The following PDGFD variants were observed in gnomAD, a reference collection of about 807,000 sequenced individuals.
PDGFD encodes platelet derived growth factor D.
Under a neutral mutation model 44.7 loss-of-function variants are expected in PDGFD, and 30 were observed. The ratio of observed to expected loss-of-function variants is 0.67; its 90% CI spans 0.50 to 0.91. The LOEUF (loss-of-function observed/expected upper bound fraction) is 0.91. Among genes scored for constraint, PDGFD ranks in the 40% least tolerant of loss-of-function variants. The pLI is 0.00. For synonymous variants in PDGFD, 173 were observed against 168.4 expected (o/e 1.03, Z -0.21); for missense variants, 445 against 457.8 (o/e 0.97, Z 0.25).
chr11:103,948,809 GT>G (rs1193466565), intron 3 of PDGFD, among the ~76,000 whole-genome samples: 2 of 151,972 alleles, frequency 1.3e-5, no homozygotes, highest in Non-Finnish European at 2.9e-5. Context: ...AATTTCCTGT[GT>G]TTAATAAAAT....
chr11:103,927,737 G>A (rs1858341329), intron 5 of PDGFD, among the ~76,000 whole-genome samples: 1 of 152,202 alleles, frequency 6.6e-6, no homozygotes. Flanking sequence ...TGGCAGTATA[G>A]CATAGTGGTT....
At chr11:104,080,436 T>C (rs917433276) in intron 1 of PDGFD, among the ~76,000 whole-genome samples, 2 of 152,212 alleles carry the variant, frequency 1.3e-5, no homozygotes, top group African/African-American at 4.8e-5. Flanking sequence ...AAATAGATTA[T>C]GGTTTCATTT....
intron 6 of PDGFD, 30 bp downstream of exon 6, chr11:103,926,882 A>C: frequency 6.3e-7 from 1 of 1,590,656 alleles, no homozygotes; most frequent in Non-Finnish European, 8.6e-7. Flanking sequence ...TAGATTAAGC[A>C]TTGCAACAAG....
chr11:104,064,579 T>A (rs953919525), intron 1 of PDGFD, among the ~76,000 whole-genome samples: 1 of 152,140 alleles, frequency 6.6e-6, no homozygotes, highest in African/African-American at 2.4e-5. Flanking sequence ...GTGATGAATT[T>A]AGAATATTGT....
At chr11:104,155,642 A>G (rs1250975704) in intron 1 of PDGFD, among the ~76,000 whole-genome samples, 1 of 152,192 alleles carries the variant, frequency 6.6e-6, no homozygotes, top group East Asian at 1.9e-4. Flanking sequence ...CTACCATACG[A>G]TCCTTATGAA....
At chr11:104,098,194 G>A (rs1175847021) in intron 1 of PDGFD, among the ~76,000 whole-genome samples, 3 of 152,136 alleles carry the variant, frequency 2.0e-5, no homozygotes, top group African/African-American at 7.2e-5. Context: ...TGCCTACTAT[G>A]TGTATGACTC....
intron 3 of PDGFD, among the ~76,000 whole-genome samples, chr11:103,993,929 A>G (rs1381622983): frequency 6.6e-6 from 1 of 151,638 alleles, no homozygotes; most frequent in Non-Finnish European, 1.5e-5. Flanking sequence ...CATCATTTCA[A>G]AAAAAAAACA....
At chr11:104,082,939 T>A (rs922952346) in intron 1 of PDGFD, among the ~76,000 whole-genome samples, 6 of 152,232 alleles carry the variant, frequency 3.9e-5, no homozygotes, top group African/African-American at 1.4e-4. Flanking sequence ...TTTAAGAACA[T>A]CCTATCCTGT....
intron 3 of PDGFD, among the ~76,000 whole-genome samples, chr11:103,985,449 C>T (rs1009250087): frequency 4.6e-5 from 7 of 151,520 alleles, no homozygotes; most frequent in Non-Finnish European, 8.8e-5. Flanking sequence ...AATCCTCCTG[C>T]ATCAGCCTCC....
intron 5 of PDGFD, among the ~76,000 whole-genome samples, chr11:103,931,206 C>T (rs764731515): frequency 3.3e-5 from 5 of 152,156 alleles, no homozygotes; most frequent in Non-Finnish European, 5.9e-5. Flanking sequence ...TTATTTTATA[C>T]AAGTTACCTG....
chr11:104,056,056 C>T (rs187816679), intron 1 of PDGFD, among the ~76,000 whole-genome samples: 113 of 152,264 alleles, frequency 7.4e-4, no homozygotes, highest in African/African-American at 2.4e-3. Context: ...TAAAAATCCT[C>T]TTACCCCAAA....
At chr11:103,925,151 T>C (rs1019020871) in intron 6 of PDGFD, among the ~76,000 whole-genome samples, 2 of 152,240 alleles carry the variant, frequency 1.3e-5, no homozygotes, top group Non-Finnish European at 2.9e-5. Flanking sequence ...TTTTTAAGGC[T>C]GCAAAGTATT....
At chr11:104,048,160 A>G (rs1860473156) in intron 1 of PDGFD, among the ~76,000 whole-genome samples, 1 of 152,086 alleles carries the variant, frequency 6.6e-6, no homozygotes, top group African/African-American at 2.4e-5. Context: ...CTTATACTCT[A>G]AAAAGCACAG....
intron 1 of PDGFD, among the ~76,000 whole-genome samples, chr11:104,101,109 C>T (rs368335451): frequency 4.6e-5 from 7 of 151,686 alleles, no homozygotes; most frequent in South Asian, 4.2e-4. Context: ...CAGGGCAATC[C>T]GGCAGGAGAA....
At chr11:104,010,003 A>C (rs1179993947) in intron 1 of PDGFD, among the ~76,000 whole-genome samples, 1 of 152,170 alleles carries the variant, frequency 6.6e-6, no homozygotes, top group Non-Finnish European at 1.5e-5. Flanking sequence ...TTCCAAAAAC[A>C]ACATCCACCT....
chr11:104,013,366 C>T (rs1431064368), intron 1 of PDGFD, among the ~76,000 whole-genome samples: 1 of 152,168 alleles, frequency 6.6e-6, no homozygotes, highest in Non-Finnish European at 1.5e-5. Context: ...CTCCACTGAG[C>T]TGGTTAACGC....
At chr11:103,965,868 GAA>G (rs1859011967) in intron 3 of PDGFD, among the ~76,000 whole-genome samples, 1 of 152,188 alleles carries the variant, frequency 6.6e-6, no homozygotes, top group African/African-American at 2.4e-5. Flanking sequence ...TTGTGGGAAA[GAA>G]AAGCCTCTTC....
chr11:103,925,872 G>A (rs1284003457), intron 6 of PDGFD, among the ~76,000 whole-genome samples: 3 of 151,594 alleles, frequency 2.0e-5, no homozygotes, highest in African/African-American at 4.8e-5. Context: ...GGGATTACAG[G>A]TGCCTGCCAT....
chr11:103,920,008 T>C (rs1414574628), intron 6 of PDGFD, among the ~76,000 whole-genome samples: 1 of 152,220 alleles, frequency 6.6e-6, no homozygotes, highest in Non-Finnish European at 1.5e-5. Flanking sequence ...GATAACATAT[T>C]ATTTCCTCCC....
Sources: gnomAD v4.1 joint callset for allele counts (sites outside exome capture counted in the v4.1 genomes callset) on GRCh38, gnomAD v4.1.1 for gene constraint, MANE v1.5 for transcripts, NCBI Gene and HGNC (gene_info 2026-07-23, HGNC 2026-07-21) for gene names.